The following NFXL1 variants were observed in gnomAD, a reference collection of about 807,000 sequenced individuals.
The protein encoded by NFXL1 is NF-X1-type zinc finger protein NFXL1.
In NFXL1, 66 loss-of-function variants were observed where a neutral mutation model predicts 123.3. That is an observed-to-expected ratio of 0.54 (90% CI 0.44 to 0.66). NFXL1 has a LOEUF of 0.66. NFXL1 is among the 30% of genes least tolerant of loss of function. NFXL1 has a pLI of 0.00. For synonymous variants in NFXL1, 346 were observed against 360.8 expected (o/e 0.96, Z 0.46); for missense variants, 944 against 1,125.6 (o/e 0.84, Z 2.31).
chr4:47,879,373 A>T (rs1439564361), intron 15 of NFXL1, among the ~76,000 whole-genome samples: 1 of 152,194 alleles, frequency 6.6e-6, no homozygotes, highest in Non-Finnish European at 1.5e-5. Context: ...GAATTTAACA[A>T]AATATATACA....
chr4:47,885,667 A>G lies in NFXL1; in HGVS notation c.1665-10T>C, dbSNP rs760019179. The G allele has an allele frequency of 1.2e-6, 2 of 1,609,268 alleles. No homozygotes were observed. The highest frequency in any genetic ancestry group is 1.7e-6 in the Non-Finnish European group (2 of 1,176,600). On this transcript the variant is annotated splice_polypyrimidine_tract_variant and intron_variant, in intron 13 of 22. Transcript: ENST00000507489. Reference sequence around the variant, plus strand: ...ACAAGTTGGTGGTCGACTAAATCATAAAGTACAATTTTCAAAAATTACTTT... The same window carrying G: ...ACAAGTTGGTGGTCGACTAAATCATGAAGTACAATTTTCAAAAATTACTTT...
intron 2 of NFXL1, among the ~76,000 whole-genome samples, chr4:47,913,469 C>G (rs1737944514): frequency 6.6e-6 from 1 of 152,194 alleles, no homozygotes; most frequent in Non-Finnish European, 1.5e-5. Context: ...TGACACCTGG[C>G]TCCAGAAATG....
At chr4:47,866,879 C>T (rs1234986751) in intron 18 of NFXL1, among the ~76,000 whole-genome samples, 1 of 152,210 alleles carries the variant, frequency 6.6e-6, no homozygotes, top group East Asian at 1.9e-4. Flanking sequence ...CCAGTAAAAA[C>T]TCTAGGTGCT....
intron 18 of NFXL1, among the ~76,000 whole-genome samples, chr4:47,866,964 T>G (rs1735120563): frequency 6.6e-6 from 1 of 152,210 alleles, no homozygotes; most frequent in Non-Finnish European, 1.5e-5. Flanking sequence ...AAGTACAAAC[T>G]ATGTGGCTCC....
At position 47,851,846 on chromosome 4, in the gene NFXL1, G is replaced by A. The variant is rs367997337; in HGVS notation, c.2508+10C>T. ...ACTAGTCTTTAAAATGATATTTAACGAGACATTACCTCAGATGCTTTCCGC... is the reference window on the plus strand; with the variant it reads ...ACTAGTCTTTAAAATGATATTTAACAAGACATTACCTCAGATGCTTTCCGC... On this transcript the variant is annotated intron_variant, in intron 21 of 22. Transcript: ENST00000507489. 5.2e-5 allele frequency: 80 copies of A among 1,552,132 alleles called. No homozygotes were observed. The highest frequency in any genetic ancestry group is 1.0e-4 in the Admixed American group (6 of 59,034).
At chr4:47,879,506 T>C (rs1351203151) in intron 15 of NFXL1, among the ~76,000 whole-genome samples, 1 of 152,210 alleles carries the variant, frequency 6.6e-6, no homozygotes, top group Non-Finnish European at 1.5e-5. Flanking sequence ...TTATTTCCAA[T>C]TTGATCCAGA....
intron 15 of NFXL1, among the ~76,000 whole-genome samples, chr4:47,883,997 G>A (rs17463708): frequency 0.095 from 14,519 of 152,178 alleles, 960 homozygotes; most frequent in Non-Finnish European, 0.14. Flanking sequence ...GCTTTCTTCT[G>A]TCTTCAGGGA....
At chr4:47,903,876 A>G (rs1737451580) in intron 4 of NFXL1, among the ~76,000 whole-genome samples, 1 of 152,234 alleles carries the variant, frequency 6.6e-6, no homozygotes, top group Admixed American at 6.5e-5. Context: ...TAATCAAAAA[A>G]CAAGAATATA....
chr4:47,865,797 C>CAGA (rs1735027111), intron 18 of NFXL1, among the ~76,000 whole-genome samples: 2 of 152,112 alleles, frequency 1.3e-5, no homozygotes, highest in South Asian at 4.2e-4. Flanking sequence ...GGTGAACTGC[C>CAGA]AGAGCCCAGG....
chr4:47,903,199 C>T lies in NFXL1; in HGVS notation c.641G>A (p.Trp214Ter). 6.3e-7 allele frequency: 1 copy of T among 1,581,898 alleles called. No individual in the cohort carries two copies. The highest frequency in any genetic ancestry group is 8.6e-7 in the Non-Finnish European group (1 of 1,167,346). ...DDDFGKKDCP[W>*]PCPKCRFEYK... ...ACTAATTAGAAAAAGTTACCAAGGC[C>T]AGGGACAATCTTTCTTTCCAAAATC... The change falls in exon 5 of 23, where the codon TGG becomes TAG. Residue 214 changes from tryptophan (W) to a stop codon, truncating the protein, a stop_gained. Coordinates refer to ENST00000507489, the MANE Select transcript of NFXL1 (RefSeq NM_001278624.2). LOFTEE classifies it high-confidence loss of function.
At chr4:47,869,748 G>A (rs1460803075) in intron 18 of NFXL1, among the ~76,000 whole-genome samples, 2 of 151,752 alleles carry the variant, frequency 1.3e-5, no homozygotes. Context: ...AAAAAATGTG[G>A]TAAACCATAA....
At chr4:47,874,537 C>T (rs555068542) in intron 18 of NFXL1, among the ~76,000 whole-genome samples, 25 of 152,210 alleles carry the variant, frequency 1.6e-4, no homozygotes, top group Admixed American at 9.8e-4. Flanking sequence ...GTTCATGGCA[C>T]CCCAAAACAA....
chr4:47,855,251 C>A, intron 19 of NFXL1, 88 bp from the exon 20 acceptor site: 1 of 673,828 alleles, frequency 1.5e-6, no homozygotes, highest in Admixed American at 2.6e-5. Context: ...TTAAGAGAGT[C>A]CATCACACAA....
At position 47,914,390 on chromosome 4, in the gene NFXL1, G is replaced by A; in HGVS notation, c.-28C>T. On this transcript the variant is annotated 5_prime_UTR_variant, in exon 1 of 23. Coordinates refer to ENST00000507489, the MANE Select transcript of NFXL1 (RefSeq NM_001278624.2). The stretch of plus-strand genomic sequence containing the variant: ...CGGAGGGCGAGTCCCCGCCAAGCCC[G>A]GGCTTTGGAGATGGACCGAAGAGGG... 1.9e-6 allele frequency: 1 copy of A among 537,342 alleles called. No individual in the cohort carries two copies. Among genetic ancestry groups the A allele is most frequent in the Admixed American group, 3.2e-5 (1 of 30,860 alleles). The allele number at this position is 537,342 out of a possible 1,614,324, so 33.3% of individuals were successfully genotyped here.
Position 47,851,092 on chromosome 4 carries a change from T to G in NFXL1, c.2562+3A>C, listed in dbSNP as rs1298956541. The stretch of plus-strand genomic sequence containing the variant: ...CATAAATCTGGGTATTTTGTTTGGT[T>G]ACCTGTTGTCTTCGTTTTTCTTCTT... On this transcript the variant is annotated splice_donor_region_variant and intron_variant, in intron 22 of 22. Coordinates refer to ENST00000507489, the MANE Select transcript of NFXL1 (RefSeq NM_001278624.2). 3 of 1,607,880 alleles carry G rather than the reference T, an allele frequency of 1.9e-6. No homozygotes were observed. The highest frequency in any genetic ancestry group is 1.7e-4 in the Middle Eastern group (1 of 6,048).
intron 14 of NFXL1, among the ~76,000 whole-genome samples, chr4:47,885,103 C>A (rs553228312): frequency 2.8e-5 from 4 of 142,972 alleles, no homozygotes; most frequent in African/African-American, 1.0e-4. Context: ...CCAGCCTGGG[C>A]AACAGAGTGA....
chr4:47,871,364 A>AC (rs56361013), intron 18 of NFXL1, among the ~76,000 whole-genome samples: 3 of 151,148 alleles, frequency 2.0e-5, no homozygotes, highest in African/African-American at 7.3e-5. Context: ...AAAAAAAAAA[A>AC]CAAAAACAAA....
chr4:47,866,346 C>T (rs1428739319), intron 18 of NFXL1, among the ~76,000 whole-genome samples: 2 of 152,126 alleles, frequency 1.3e-5, no homozygotes, highest in Non-Finnish European at 2.9e-5. Context: ...TCAGTACCAC[C>T]CTCAAACGCC....
At chr4:47,854,493 G>T (rs546921918) in intron 20 of NFXL1, among the ~76,000 whole-genome samples, 1 of 152,012 alleles carries the variant, frequency 6.6e-6, no homozygotes, top group African/African-American at 2.4e-5. Flanking sequence ...TTTCCATCAG[G>T]CTTTGTAATC....
Sources: gnomAD v4.1 joint callset for allele counts (sites outside exome capture counted in the v4.1 genomes callset) on GRCh38, gnomAD v4.1.1 for gene constraint, MANE v1.5 for transcripts, NCBI Gene and HGNC (gene_info 2026-07-23, HGNC 2026-07-21) for gene names.